The following SPIDR variants were observed in gnomAD, a reference collection of about 807,000 sequenced individuals.
SPIDR encodes the protein scaffold protein involved in DNA repair.
Under a neutral mutation model 104.6 loss-of-function variants are expected in SPIDR, and 93 were observed. That is an observed-to-expected ratio of 0.89 (90% CI 0.75 to 1.06). The LOEUF (loss-of-function observed/expected upper bound fraction) is 1.06, where lower values mean the gene tolerates loss of function less well. Among genes scored for constraint, SPIDR ranks in the 50% least tolerant of loss-of-function variants. The pLI is 0.00. For synonymous variants in SPIDR, 431 were observed against 416.9 expected (o/e 1.03, Z -0.41); for missense variants, 1,154 against 1,111.2 (o/e 1.04, Z -0.55).
chr8:47,469,278 A>G (rs1216762763), intron 8 of SPIDR, among the ~76,000 whole-genome samples: 2 of 152,218 alleles, frequency 1.3e-5, no homozygotes, highest in Non-Finnish European at 2.9e-5. Context: ...TGTGGAAAAC[A>G]GTATTGCCAT....
chr8:47,331,965 C>CTTTTTTTT (rs1183447584), intron 5 of SPIDR, among the ~76,000 whole-genome samples: 55 of 32,698 alleles, frequency 1.7e-3, no homozygotes, highest in South Asian at 5.1e-3. Flanking sequence ...TTTTTTTAAA[C>CTTTTTTTT]TTTTTTTTTT....
At chr8:47,386,586 C>G (rs140084524) in intron 5 of SPIDR, among the ~76,000 whole-genome samples, 1 of 152,044 alleles carries the variant, frequency 6.6e-6, no homozygotes, top group South Asian at 2.1e-4. Context: ...TGTGGGGGCT[C>G]GAGCAAGCCA....
intron 19 of SPIDR, 70 bp downstream of exon 19, chr8:47,729,535 G>T: frequency 6.6e-7 from 1 of 1,525,484 alleles, no homozygotes. Flanking sequence ...ATCCCCAGAG[G>T]AAGCCCCCAC....
chr8:47,584,778 G>A (rs1244208466), intron 8 of SPIDR, among the ~76,000 whole-genome samples: 1 of 152,108 alleles, frequency 6.6e-6, no homozygotes, highest in African/African-American at 2.4e-5. Flanking sequence ...CCACCTGACA[G>A]TGTGCATCAG....
At chr8:47,530,943 G>T (rs1383299203) in intron 8 of SPIDR, among the ~76,000 whole-genome samples, 1 of 150,004 alleles carries the variant, frequency 6.7e-6, no homozygotes, top group African/African-American at 2.5e-5. Context: ...AGGCAAGGTT[G>T]TGCATCCCCC....
intron 7 of SPIDR, among the ~76,000 whole-genome samples, chr8:47,438,652 G>T (rs74330894): frequency 6.6e-6 from 1 of 152,182 alleles, no homozygotes; most frequent in Non-Finnish European, 1.5e-5. Flanking sequence ...GTTATATGCT[G>T]CTTGTACATT....
intron 5 of SPIDR, among the ~76,000 whole-genome samples, chr8:47,390,083 TCA>T (rs1207018735): frequency 6.6e-6 from 1 of 152,124 alleles, no homozygotes; most frequent in East Asian, 1.9e-4. Context: ...ATAAAACATT[TCA>T]CACCCATCAG....
At chr8:47,357,832 C>T in intron 5 of SPIDR, 1 of 984,340 alleles carries the variant, frequency 1.0e-6, no homozygotes, top group Middle Eastern at 5.2e-4. Flanking sequence ...AAGGAGATCT[C>T]ATACATGTTA....
At chr8:47,490,838 G>A (rs577252139) in intron 8 of SPIDR, among the ~76,000 whole-genome samples, 1 of 152,268 alleles carries the variant, frequency 6.6e-6, no homozygotes, top group East Asian at 1.9e-4. Flanking sequence ...ACATACCAGG[G>A]CCTGTGCTAG....
intron 7 of SPIDR, among the ~76,000 whole-genome samples, chr8:47,435,156 C>A (rs1238157010): frequency 1.3e-5 from 2 of 151,932 alleles, no homozygotes; most frequent in Non-Finnish European, 2.9e-5. Context: ...CTGTGCCTGA[C>A]TCATTTTTAT....
intron 5 of SPIDR, among the ~76,000 whole-genome samples, chr8:47,312,731 T>A (rs2044449893): frequency 6.6e-6 from 1 of 152,196 alleles, no homozygotes; most frequent in Admixed American, 6.5e-5. Flanking sequence ...TTTAATTAGA[T>A]CCCATTTGTC....
intron 10 of SPIDR, among the ~76,000 whole-genome samples, chr8:47,615,139 T>C (rs1004299627): frequency 3.9e-5 from 6 of 151,972 alleles, no homozygotes; most frequent in Non-Finnish European, 8.8e-5. Flanking sequence ...GGTGGGATTA[T>C]AGCTCACTGC....
At chr8:47,611,081 T>C (rs1034056861) in intron 10 of SPIDR, among the ~76,000 whole-genome samples, 10 of 152,228 alleles carry the variant, frequency 6.6e-5, no homozygotes, top group African/African-American at 2.4e-4. Flanking sequence ...CAATGGCTGA[T>C]TGAGCAGCTG....
intron 8 of SPIDR, among the ~76,000 whole-genome samples, chr8:47,523,233 T>A (rs2084444493): frequency 6.6e-6 from 1 of 152,128 alleles, no homozygotes; most frequent in South Asian, 2.1e-4. Flanking sequence ...TCACCTAAAT[T>A]CCATTTTGTG....
chr8:47,605,252 G>A (rs1195896221), intron 10 of SPIDR, among the ~76,000 whole-genome samples: 1 of 152,176 alleles, frequency 6.6e-6, no homozygotes, highest in Non-Finnish European at 1.5e-5. Context: ...TTCCATGTGG[G>A]AGGGGACCCA....
chr8:47,440,326 GA>G lies in SPIDR; in HGVS notation c.885del (p.Lys295AsnfsTer5). ...CISYQKTLSG[R>X]KSGVLTVKIL... ...TGTTCTTTTCTTCAACTTCTAGGTA[GA>G]AAATCTGGTGTATTAACTGTGAAAA... On this transcript the variant is annotated frameshift_variant, in exon 8 of 20. Coordinates refer to ENST00000297423, the MANE Select transcript of SPIDR (RefSeq NM_001080394.4). LOFTEE classifies it high-confidence loss of function. 1 of 1,613,786 alleles carries G rather than the reference GA, an allele frequency of 6.2e-7. No individual in the cohort carries two copies. The highest frequency in any genetic ancestry group is 8.5e-7 in the Non-Finnish European group (1 of 1,179,722).
intron 8 of SPIDR, among the ~76,000 whole-genome samples, chr8:47,551,834 G>C (rs544754821): frequency 3.2e-4 from 48 of 152,026 alleles, no homozygotes; most frequent in African/African-American, 9.9e-4. Flanking sequence ...TTTTGCTCTT[G>C]CTTCTCTAGT....
At chr8:47,290,208 A>G (rs1379702357) in intron 3 of SPIDR, among the ~76,000 whole-genome samples, 3 of 152,144 alleles carry the variant, frequency 2.0e-5, no homozygotes, top group Non-Finnish European at 4.4e-5. Context: ...CGCCTGGCTA[A>G]TTTTTTGTAT....
intron 8 of SPIDR, among the ~76,000 whole-genome samples, chr8:47,478,293 G>C (rs1213459808): frequency 6.6e-6 from 1 of 152,160 alleles, no homozygotes; most frequent in Non-Finnish European, 1.5e-5. Flanking sequence ...ACAGCGTGGT[G>C]GGGAGGATTA....
Sources: gnomAD v4.1 joint callset for allele counts (sites outside exome capture counted in the v4.1 genomes callset) on GRCh38, gnomAD v4.1.1 for gene constraint, MANE v1.5 for transcripts, NCBI Gene and HGNC (gene_info 2026-07-23, HGNC 2026-07-21) for gene names.